MTMR9: variants seen among roughly 807,000 people sequenced by gnomAD.
The protein encoded by MTMR9 is myotubularin-related protein 9.
Under a neutral mutation model 69.5 loss-of-function variants are expected in MTMR9, and 39 were observed. The ratio of observed to expected loss-of-function variants is 0.56; its 90% confidence interval spans 0.43 to 0.73. The LOEUF (loss-of-function observed/expected upper bound fraction) is 0.73. Ranked by LOEUF, MTMR9 falls within the 30% of genes least tolerant of loss-of-function variation. MTMR9 has a pLI of 0.00. For missense variants in MTMR9, 900 were observed against 671.2 expected (o/e 1.34, Z -3.77); for synonymous variants, 354 against 240.8 (o/e 1.47, Z -4.35).
chr8:11,307,989 C>G (rs950409358), intron 5 of MTMR9, among the ~76,000 whole-genome samples: 1 of 152,154 alleles, frequency 6.6e-6, no homozygotes, highest in African/African-American at 2.4e-5. Flanking sequence ...TCTCCCATTC[C>G]ATAGGTTGTC....
At chr8:11,331,178 C>T (rs1430160974), downstream of MTMR9, 5 of 1,613,576 alleles carry the variant, frequency 3.1e-6, no homozygotes, top group Admixed American at 1.7e-5. Context: ...CTCCACCCAG[C>T]CTCCGCTGGC....
At position 11,284,838 on chromosome 8, in the gene MTMR9, A is replaced by G; in HGVS notation, c.-51A>G. The G allele has an allele frequency of 2.0e-6, 3 of 1,488,588 alleles. No homozygotes were observed. The highest frequency in any genetic ancestry group is 1.3e-5 in the South Asian group (1 of 78,136). The allele number at this position is 1,488,588 out of a possible 1,614,324, so 92.2% of individuals were successfully genotyped here. A position where few individuals can be genotyped will look rare whatever the true frequency, so the allele number is the denominator to read the frequency against. Reference sequence around the variant, plus strand: ...TCCGCTACTTCCCTGCGGCGGGGTAACCGCCTCGCACCTACCGGGCTCGGT... The same window carrying G: ...TCCGCTACTTCCCTGCGGCGGGGTAGCCGCCTCGCACCTACCGGGCTCGGT... On this transcript the variant is annotated 5_prime_UTR_variant, in exon 1 of 10. Transcript: ENST00000221086.
chr8:11,304,446 T>C (rs184413915), intron 3 of MTMR9, among the ~76,000 whole-genome samples: 1 of 152,324 alleles, frequency 6.6e-6, no homozygotes, highest in East Asian at 1.9e-4. Context: ...GTGGATGTGC[T>C]TAATATATTT....
At chr8:11,295,082 A>G in intron 1 of MTMR9, 112 bp from the exon 2 acceptor site, 1 of 592,766 alleles carries the variant, frequency 1.7e-6, no homozygotes, top group Non-Finnish European at 2.9e-6. Flanking sequence ...ACTGAGGAGA[A>G]GAAAGTTAAT....
At chr8:11,302,283 CAAA>C (rs60497555) in intron 3 of MTMR9, among the ~76,000 whole-genome samples, 6 of 103,948 alleles carry the variant, frequency 5.8e-5, no homozygotes, top group Non-Finnish European at 9.3e-5. Flanking sequence ...AAGAGGAAGA[CAAA>C]AAAAAAAAAA....
intron 6 of MTMR9, among the ~76,000 whole-genome samples, chr8:11,310,753 G>C (rs528498742): frequency 6.6e-6 from 1 of 151,954 alleles, no homozygotes; most frequent in South Asian, 2.1e-4. Context: ...TACATTATGA[G>C]TACAGAGGCT....
chr8:11,335,542 A>G, the MTMR9 span, among the ~76,000 whole-genome samples: 1 of 152,166 alleles, frequency 6.6e-6, no homozygotes, highest in African/African-American at 2.4e-5. Context: ...TATTTTGTGG[A>G]TAGTGACAAA....
chr8:11,300,761 A>C (rs991505079), intron 3 of MTMR9: 3 of 152,334 alleles, frequency 2.0e-5, no homozygotes, highest in African/African-American at 7.2e-5. Context: ...GAATAAATTT[A>C]ACAAAAGAAA....
Position 11,293,621 on chromosome 8 carries a change from C to A in MTMR9, c.183-1573C>A, listed in dbSNP as rs111595619. On this transcript the variant is annotated intron_variant, in intron 1 of 9. Transcript: ENST00000221086. ...GGATTTTAGTGTCTTATCTAAGAAA[C>A]CATTGCCTCACCTAAGGTCACAAAT... Among the ~76,000 whole-genome samples the A allele has an allele frequency of 3.2e-4, 48 of 152,238 alleles. 2 individuals carry two copies. The highest frequency in any genetic ancestry group is 1.1e-3 in the African/African-American group (46 of 41,552).
At position 11,322,829 on chromosome 8, in the gene MTMR9, G is replaced by C; in HGVS notation, c.*41G>C. ...CCTTCGCAAGGACCTTCTTGGGCCT[G>C]TGTCCGCCGTTCTCTCCTTGTGCCC... is the stretch of plus-strand genomic sequence containing the variant. On this transcript the variant is annotated 3_prime_UTR_variant, in exon 10 of 10. Transcript: ENST00000221086. 4 of 1,574,520 alleles carry C rather than the reference G, an allele frequency of 2.5e-6. No homozygotes were observed. The highest frequency in any genetic ancestry group is 2.7e-5 in the African/African-American group (2 of 73,704).
intron 9 of MTMR9, chr8:11,321,242 T>C (rs1563287409): frequency 2.8e-6 from 1 of 351,436 alleles, no homozygotes; most frequent in Admixed American, 3.6e-5. Flanking sequence ...GCTTTAGTGC[T>C]TTGATTTGTG....
intron 2 of MTMR9, among the ~76,000 whole-genome samples, chr8:11,295,739 T>C (rs1050946477): frequency 6.6e-5 from 10 of 152,248 alleles, no homozygotes; most frequent in African/African-American, 2.2e-4. Flanking sequence ...GACTGTAAAC[T>C]TCTTTTTCTT....
chr8:11,288,969 T>A (rs1328798969), intron 1 of MTMR9, among the ~76,000 whole-genome samples: 1 of 151,984 alleles, frequency 6.6e-6, no homozygotes, highest in African/African-American at 2.4e-5. Context: ...GGTCAGGAGT[T>A]CGACACAGCC....
intron 2 of MTMR9, among the ~76,000 whole-genome samples, chr8:11,295,504 C>T (rs1208722670): frequency 6.7e-6 from 1 of 149,544 alleles, no homozygotes; most frequent in Non-Finnish European, 1.5e-5. Context: ...GTGTTACTCA[C>T]GTTATATGAG....
At chr8:11,293,880 CTT>C (rs1192896164) in intron 1 of MTMR9, among the ~76,000 whole-genome samples, 1 of 151,938 alleles carries the variant, frequency 6.6e-6, no homozygotes, top group East Asian at 1.9e-4. Flanking sequence ...TTTCTGGACT[CTT>C]TTTTTCTGTT....
At chr8:11,286,729 A>G (rs1053697221) in intron 1 of MTMR9, among the ~76,000 whole-genome samples, 9 of 150,488 alleles carry the variant, frequency 6.0e-5, no homozygotes, top group South Asian at 4.2e-4. Flanking sequence ...TAAACCCCTC[A>G]GTCATTCATG....
In MTMR9 at chr8:11,284,835, G is replaced by GT; in HGVS notation, c.-53dup. ...GTTTCCGCTACTTCCCTGCGGCGGGGTAACCGCCTCGCACCTACCGGGCTC... is the reference window on the plus strand; with the variant it reads ...GTTTCCGCTACTTCCCTGCGGCGGGGTTAACCGCCTCGCACCTACCGGGCTC... On this transcript the variant is annotated 5_prime_UTR_variant, in exon 1 of 10. Coordinates refer to ENST00000221086, the MANE Select transcript of MTMR9 (RefSeq NM_015458.4). 6.7e-7 allele frequency: 1 copy of GT among 1,485,382 alleles called. No individual in the cohort carries two copies. Among genetic ancestry groups the GT allele is most frequent in the Non-Finnish European group, 9.1e-7 (1 of 1,103,358 alleles). The allele number at this position is 1,485,382 out of a possible 1,614,324, so 92.0% of individuals were successfully genotyped here.
chr8:11,330,503 G>A (rs1801170481), downstream of MTMR9, among the ~76,000 whole-genome samples: 1 of 152,218 alleles, frequency 6.6e-6, no homozygotes, highest in African/African-American at 2.4e-5. Flanking sequence ...AAAAGATAGA[G>A]AAATCAGATT....
intron 5 of MTMR9, among the ~76,000 whole-genome samples, chr8:11,307,768 T>C (rs1799994339): frequency 6.6e-6 from 1 of 152,234 alleles, no homozygotes; most frequent in Non-Finnish European, 1.5e-5. Context: ...TATCTCATTG[T>C]GGTTTTGAAT....
Sources: allele counts gnomAD v4.1 joint callset (sites outside exome capture counted in the v4.1 genomes callset), GRCh38; gene constraint gnomAD v4.1.1; transcripts MANE v1.5; gene names NCBI Gene and HGNC (gene_info 2026-07-23, HGNC 2026-07-21).